TTC29: variants seen among roughly 807,000 people sequenced by gnomAD.
TTC29 encodes the protein tetratricopeptide repeat protein 29.
TTC29 carries 49 observed loss-of-function variants against 58.1 expected under a neutral mutation model. That is an observed-to-expected ratio of 0.84 (90% confidence interval 0.67 to 1.07). The LOEUF is 1.07. TTC29 is among the 50% of genes least tolerant of loss of function. The pLI is 0.00. For synonymous variants in TTC29, 209 were observed against 196.8 expected, an observed-to-expected ratio of 1.06 and a Z score of -0.52; for missense variants, 582 against 555.6, an observed-to-expected ratio of 1.05 and a Z score of -0.48.
intron 6 of TTC29, among the ~76,000 whole-genome samples, chr4:146,900,253 T>C (rs1442003767): frequency 2.0e-5 from 3 of 152,230 alleles, no homozygotes; most frequent in East Asian, 1.9e-4. Flanking sequence ...GTTTATGAAC[T>C]ATTTAAGGGC....
chr4:146,907,419 ATTATC>A (rs1469415932), intron 5 of TTC29, among the ~76,000 whole-genome samples: 1 of 152,198 alleles, frequency 6.6e-6, no homozygotes, highest in Non-Finnish European at 1.5e-5. Context: ...ATGAGCAAAT[ATTATC>A]TTAGTTCTAC....
Position 146,726,256 on chromosome 4 carries a change from C to T in TTC29, c.1331-18705G>A, listed in dbSNP as rs79320097. Among the ~76,000 whole-genome samples the T allele has an allele frequency of 5.4e-3, 828 of 152,166 alleles. 62 individuals are homozygous for T. In the East Asian group the frequency reaches 0.13, roughly 24 times the overall value. On this transcript the variant is annotated intron_variant, in intron 11 of 12. Coordinates refer to ENST00000325106, the MANE Select transcript of TTC29 (RefSeq NM_031956.4). ...ATCACTTGAGGCCAGGAGTTTCAGACCAGCCTGGACAAATGGTGAAATCCT... is the reference window on the plus strand; with the variant it reads ...ATCACTTGAGGCCAGGAGTTTCAGATCAGCCTGGACAAATGGTGAAATCCT...
At chr4:146,869,701 T>C (rs915759625) in intron 7 of TTC29, among the ~76,000 whole-genome samples, 3 of 152,132 alleles carry the variant, frequency 2.0e-5, no homozygotes, top group African/African-American at 4.8e-5. Context: ...TCTAATTTTA[T>C]GTGAGTGGAA....
At chr4:146,875,055 G>A (rs1731171254) in intron 6 of TTC29, 127 bp from the exon 7 acceptor site, 1 of 713,414 alleles carries the variant, frequency 1.4e-6, no homozygotes, top group Non-Finnish European at 2.3e-6. Flanking sequence ...GATTTCTAAG[G>A]CTGAAGATGA....
At chr4:146,752,349 G>C (rs1410648381) in intron 11 of TTC29, among the ~76,000 whole-genome samples, 23 of 41,848 alleles carry the variant, frequency 5.5e-4, no homozygotes, top group Admixed American at 1.0e-3. Context: ...AACAAGGGAT[G>C]TGAAGGACCT....
chr4:146,855,894 A>G (rs996205157), intron 8 of TTC29, among the ~76,000 whole-genome samples: 1 of 152,132 alleles, frequency 6.6e-6, no homozygotes, highest in Non-Finnish European at 1.5e-5. Flanking sequence ...CTAATCCTAT[A>G]ATCTTCTCTG....
chr4:146,758,626 A>G (rs1746632675), intron 11 of TTC29, among the ~76,000 whole-genome samples: 1 of 152,182 alleles, frequency 6.6e-6, no homozygotes, highest in South Asian at 2.1e-4. Context: ...GAAAATTGAA[A>G]TTATATCAAG....
chr4:146,909,635 A>G (rs1369459517), intron 4 of TTC29, among the ~76,000 whole-genome samples: 2 of 152,150 alleles, frequency 1.3e-5, no homozygotes, highest in Non-Finnish European at 2.9e-5. Flanking sequence ...TATCAAAACA[A>G]TATTCTCTCT....
At chr4:146,897,640 A>G (rs894376452) in intron 6 of TTC29, among the ~76,000 whole-genome samples, 1 of 152,136 alleles carries the variant, frequency 6.6e-6, no homozygotes, top group African/African-American at 2.4e-5. Context: ...CTGGCTCCTA[A>G]TCATACAGCA....
chr4:146,818,700 A>G (rs939532772), intron 10 of TTC29, among the ~76,000 whole-genome samples: 1 of 152,194 alleles, frequency 6.6e-6, no homozygotes, highest in African/African-American at 2.4e-5. Context: ...TCCAACAATG[A>G]TAGACTGGAT....
chr4:146,845,824 C>T (rs1729130262), intron 8 of TTC29, among the ~76,000 whole-genome samples: 1 of 151,936 alleles, frequency 6.6e-6, no homozygotes, highest in Non-Finnish European at 1.5e-5. Context: ...CAATCACACA[C>T]ACACACACAC....
intron 11 of TTC29, among the ~76,000 whole-genome samples, chr4:146,792,003 G>A (rs1037756099): frequency 3.9e-5 from 6 of 152,192 alleles, no homozygotes; most frequent in Non-Finnish European, 7.4e-5. Context: ...GCAGAAATTG[G>A]TTAAGAGAAG....
intron 10 of TTC29, among the ~76,000 whole-genome samples, chr4:146,814,649 C>T (rs1399978100): frequency 6.7e-6 from 1 of 149,188 alleles, no homozygotes; most frequent in Non-Finnish European, 1.5e-5. Context: ...TTACTTGAAC[C>T]CGGGAGGCGG....
At chr4:146,739,300 T>G (rs760599503) in intron 11 of TTC29, among the ~76,000 whole-genome samples, 93 of 152,164 alleles carry the variant, frequency 6.1e-4, no homozygotes, top group Non-Finnish European at 1.1e-3. Context: ...AAAATAAAAT[T>G]TAAAGTGCTC....
intron 11 of TTC29, among the ~76,000 whole-genome samples, chr4:146,792,019 A>G (rs1429884925): frequency 6.6e-6 from 1 of 152,248 alleles, no homozygotes; most frequent in Non-Finnish European, 1.5e-5. Context: ...AGAAGAAGTC[A>G]TCTCCATAAC....
chr4:146,712,525 T>C (rs184093084), intron 11 of TTC29, among the ~76,000 whole-genome samples: 5 of 152,144 alleles, frequency 3.3e-5, no homozygotes, highest in Admixed American at 1.3e-4. Flanking sequence ...AGACACTAAT[T>C]TTGGCCTCAT....
chr4:146,900,859 A>G (rs1733099440), intron 6 of TTC29, among the ~76,000 whole-genome samples: 1 of 152,220 alleles, frequency 6.6e-6, no homozygotes, highest in Non-Finnish European at 1.5e-5. Context: ...ACCATAAAAA[A>G]TTTAAAAATC....
intron 8 of TTC29, among the ~76,000 whole-genome samples, chr4:146,852,440 A>G (rs2150185142): frequency 6.6e-6 from 1 of 152,304 alleles, no homozygotes; most frequent in Admixed American, 6.5e-5. Context: ...TAGCTTTGTG[A>G]CCACGGGCTG....
intron 11 of TTC29, among the ~76,000 whole-genome samples, chr4:146,726,432 C>T (rs1253922643): frequency 6.6e-6 from 1 of 152,086 alleles, no homozygotes; most frequent in Non-Finnish European, 1.5e-5. Context: ...CAGCCTAATA[C>T]AGTGAGACTC....
Sources: allele counts gnomAD v4.1 joint callset (sites outside exome capture counted in the v4.1 genomes callset), GRCh38; gene constraint gnomAD v4.1.1; transcripts MANE v1.5; gene names NCBI Gene and HGNC (gene_info 2026-07-23, HGNC 2026-07-21).